The following TTC7B variants were observed in gnomAD, a reference collection of about 807,000 sequenced individuals.
The protein encoded by TTC7B is tetratricopeptide repeat domain 7B, also known as tetratricopeptide repeat protein 7B.
Under a neutral mutation model 106.8 loss-of-function variants are expected in TTC7B, and 28 were observed. The observed-to-expected ratio is 0.26, with a 90% CI of 0.19 to 0.36. TTC7B has a LOEUF of 0.36. Among genes scored for constraint, TTC7B ranks in the 10% least tolerant of loss-of-function variants. The pLI is 1.00. For synonymous variants in TTC7B, 405 were observed against 430.6 expected (o/e 0.94, Z 0.74); for missense variants, 862 against 1,076.4 (o/e 0.80, Z 2.79).
chr14:90,585,416 A>G (rs1891671896), intron 18 of TTC7B, among the ~76,000 whole-genome samples: 1 of 152,182 alleles, frequency 6.6e-6, no homozygotes, highest in South Asian at 2.1e-4. Flanking sequence ...GAAGCCAGCC[A>G]AGTGGACCCC....
At position 90,672,077 on chromosome 14, in the gene TTC7B, C is replaced by T. The variant is rs77515043; in HGVS notation, c.1152+4446G>A. 5.0e-3 allele frequency among the ~76,000 whole-genome samples: 758 copies of T among 152,268 alleles called. 6 individuals carry two copies. Among genetic ancestry groups the T allele is most frequent in the African/African-American group, 0.017 (700 of 41,536 alleles). ...AGGCGCCCCCACCCTCTGTGGTGCC[C>T]GTGGGCCCAGGTCAGCCAAGGAGAG... On this transcript the variant is annotated intron_variant, in intron 9 of 19. Coordinates refer to ENST00000328459, the MANE Select transcript of TTC7B (RefSeq NM_001010854.2).
At chr14:90,559,642 C>T (rs773481097) in intron 19 of TTC7B, among the ~76,000 whole-genome samples, 8 of 148,884 alleles carry the variant, frequency 5.4e-5, no homozygotes, top group East Asian at 1.9e-4. Flanking sequence ...ACACAATTCT[C>T]ACAACACACA....
chr14:90,558,961 G>A (rs918103140), intron 19 of TTC7B, among the ~76,000 whole-genome samples: 3 of 152,222 alleles, frequency 2.0e-5, no homozygotes, highest in South Asian at 2.1e-4. Flanking sequence ...GCATAGGGGC[G>A]CGGAAATGAT....
intron 1 of TTC7B, among the ~76,000 whole-genome samples, chr14:90,809,777 C>T (rs2030799655): frequency 6.6e-6 from 1 of 152,154 alleles, no homozygotes; most frequent in Non-Finnish European, 1.5e-5. Context: ...TAGAATTGGC[C>T]CTCTAGAAGC....
At chr14:90,750,736 A>T (rs6575145) in intron 3 of TTC7B, among the ~76,000 whole-genome samples, 2,655 of 152,348 alleles carry the variant, frequency 0.017, 64 homozygotes, top group African/African-American at 0.059. Context: ...TTAAGGTATT[A>T]AATTAATTAA....
chr14:90,680,547 A>G lies in TTC7B; in HGVS notation c.951-12T>C, dbSNP rs1364331167. On this transcript the variant is annotated splice_polypyrimidine_tract_variant and intron_variant, in intron 7 of 19. Coordinates refer to ENST00000328459, the MANE Select transcript of TTC7B (RefSeq NM_001010854.2). The stretch of plus-strand genomic sequence containing the variant: ...GAGGACAAAAAATGCTGCAGTTGAA[A>G]GAAAACTGACTTTGATATATGGCAG... 1 of 1,612,128 alleles carries G rather than the reference A, an allele frequency of 6.2e-7. No individual in the cohort carries two copies. The highest frequency in any genetic ancestry group is 8.5e-7 in the Non-Finnish European group (1 of 1,178,422).
At chr14:90,661,970 A>G (rs1886225838) in intron 9 of TTC7B, among the ~76,000 whole-genome samples, 1 of 152,236 alleles carries the variant, frequency 6.6e-6, no homozygotes, top group Admixed American at 6.5e-5. Context: ...ATAGAACTGC[A>G]TTCCAGGTGC....
At chr14:90,654,899 C>CCT (rs1885881035) in intron 12 of TTC7B, 94 bp downstream of exon 12, 6 of 1,023,284 alleles carry the variant, frequency 5.9e-6, no homozygotes, top group Non-Finnish European at 9.1e-6. Context: ...TCTGCACCCT[C>CCT]CTGAGACAGA....
intron 8 of TTC7B, among the ~76,000 whole-genome samples, chr14:90,678,144 G>GT (rs1256311370): frequency 6.6e-6 from 1 of 152,198 alleles, no homozygotes; most frequent in Non-Finnish European, 1.5e-5. Context: ...TTTAGAGAAA[G>GT]TATCAGTATC....
intron 3 of TTC7B, among the ~76,000 whole-genome samples, chr14:90,770,594 G>A (rs1174496137): frequency 3.3e-5 from 5 of 151,792 alleles, no homozygotes; most frequent in South Asian, 4.2e-4. Flanking sequence ...CAGAGGTTGC[G>A]GTGAGCCGAG....
At chr14:90,775,823 C>T (rs1264897715) in intron 3 of TTC7B, among the ~76,000 whole-genome samples, 1 of 152,104 alleles carries the variant, frequency 6.6e-6, no homozygotes, top group Non-Finnish European at 1.5e-5. Context: ...TCTTCAGAGC[C>T]AGTCCTCTGC....
intron 4 of TTC7B, among the ~76,000 whole-genome samples, chr14:90,740,906 A>G (rs569046556): frequency 6.6e-6 from 1 of 152,348 alleles, no homozygotes; most frequent in Non-Finnish European, 1.5e-5. Flanking sequence ...CAGGTGACAC[A>G]GGAACAGATA....
chr14:90,719,504 A>G (rs1472874943), intron 5 of TTC7B, among the ~76,000 whole-genome samples: 1 of 152,154 alleles, frequency 6.6e-6, no homozygotes, highest in African/African-American at 2.4e-5. Flanking sequence ...AACTGAGCAT[A>G]TCCCTTGGAA....
intron 11 of TTC7B, among the ~76,000 whole-genome samples, chr14:90,655,653 T>C (rs561118770): frequency 8.1e-4 from 124 of 152,292 alleles, no homozygotes; most frequent in Non-Finnish European, 1.6e-3. Flanking sequence ...AATGTGCACC[T>C]GTAAACTACA....
chr14:90,772,235 C>T (rs1050513116), intron 3 of TTC7B, among the ~76,000 whole-genome samples: 1 of 151,920 alleles, frequency 6.6e-6, no homozygotes, highest in African/African-American at 2.4e-5. Flanking sequence ...TTTCAGGAAA[C>T]CTCTCCTAGG....
intron 12 of TTC7B, 56 bp downstream of exon 12, chr14:90,654,937 G>C: frequency 7.4e-7 from 1 of 1,346,242 alleles, no homozygotes; most frequent in South Asian, 1.2e-5. Flanking sequence ...CCGCAGGGTA[G>C]ACTTAGGTAG....
chr14:90,811,346 G>A (rs556919948), intron 1 of TTC7B, among the ~76,000 whole-genome samples: 1 of 152,294 alleles, frequency 6.6e-6, no homozygotes, highest in African/African-American at 2.4e-5. Flanking sequence ...AGTCTGTGAT[G>A]CCCCAGGTAT....
intron 19 of TTC7B, among the ~76,000 whole-genome samples, chr14:90,572,325 C>A (rs141567079): frequency 6.6e-6 from 1 of 150,718 alleles, no homozygotes. Flanking sequence ...TCAGCAGTGT[C>A]GTTAGTCAGC....
At chr14:90,797,527 C>T (rs191733045) in intron 1 of TTC7B, among the ~76,000 whole-genome samples, 3 of 151,746 alleles carry the variant, frequency 2.0e-5, no homozygotes, top group Admixed American at 1.3e-4. Context: ...CCTGTAATCC[C>T]GGGTAACCCA....
Sources: allele counts gnomAD v4.1 joint callset (sites outside exome capture counted in the v4.1 genomes callset), GRCh38; gene constraint gnomAD v4.1.1; transcripts MANE v1.5; gene names NCBI Gene and HGNC (gene_info 2026-07-23, HGNC 2026-07-21).